Variants in GPM6B observed in about 807,000 individuals in gnomAD.
GPM6B encodes glycoprotein M6B.
In GPM6B, 4 loss-of-function variants were observed where a neutral mutation model predicts 27.2. That is an observed-to-expected ratio of 0.15 (90% CI 0.07 to 0.34). GPM6B has a LOEUF of 0.34. Among genes scored for constraint, GPM6B ranks in the 10% least tolerant of loss-of-function variants. GPM6B has a pLI of 1.00. For missense variants in GPM6B, 183 were observed against 261.9 expected (o/e 0.70, Z 2.08); for synonymous variants, 124 against 103.1 (o/e 1.20, Z -1.23).
chrX:13,881,756 C>G, intron 1 of GPM6B, among the ~76,000 whole-genome samples: 1 of 20,777 alleles, frequency 4.8e-5, no homozygotes. Context: ...TAGGTTGGCG[C>G]AAAAGCAATT....
At chrX:13,795,377 G>A (rs1329605370) in intron 2 of GPM6B, among the ~76,000 whole-genome samples, 1 of 111,979 alleles carries the variant, frequency 8.9e-6, no homozygotes, top group Non-Finnish European at 1.9e-5. Flanking sequence ...TTTTGGTGTA[G>A]TATCAAGGAA....
At chrX:13,930,702 A>G (rs1011653960) in intron 1 of GPM6B, among the ~76,000 whole-genome samples, 1 of 112,620 alleles carries the variant, frequency 8.9e-6, no homozygotes, top group African/African-American at 3.2e-5. Context: ...ATTATGAACA[A>G]CTTTGTGCCA....
At chrX:13,848,514 A>C (rs2049676851) in intron 1 of GPM6B, among the ~76,000 whole-genome samples, 2 of 112,274 alleles carry the variant, frequency 1.8e-5, no homozygotes, top group African/African-American at 6.5e-5. Context: ...AAAAACAATA[A>C]AAAATTATTC....
At chrX:13,853,014 G>A (rs1170073417) in intron 1 of GPM6B, among the ~76,000 whole-genome samples, 8 of 110,735 alleles carry the variant, frequency 7.2e-5, no homozygotes, top group Non-Finnish European at 5.7e-5. Flanking sequence ...CCAGAAGTGG[G>A]AATCCTGGAT....
At chrX:13,826,719 CAG>C (rs756114740) in intron 1 of GPM6B, among the ~76,000 whole-genome samples, 2 of 110,821 alleles carry the variant, frequency 1.8e-5, no homozygotes, top group African/African-American at 3.3e-5. Context: ...GCCTGGGTGA[CAG>C]AGTGAGACCC....
chrX:13,913,949 G>A (rs1054920346), intron 1 of GPM6B, among the ~76,000 whole-genome samples: 5 of 109,741 alleles, frequency 4.6e-5, no homozygotes, highest in African/African-American at 1.3e-4. Context: ...ATGGGGTTTC[G>A]CCATGTTGCC....
intron 1 of GPM6B, among the ~76,000 whole-genome samples, chrX:13,876,769 G>C (rs1235544562): frequency 9.1e-6 from 1 of 110,424 alleles, no homozygotes; most frequent in African/African-American, 3.3e-5. Context: ...TGTTCTCGGT[G>C]GAACCCAGCC....
At chrX:13,804,050 C>T (rs1433045356) in intron 2 of GPM6B, among the ~76,000 whole-genome samples, 1 of 111,753 alleles carries the variant, frequency 8.9e-6, no homozygotes, top group African/African-American at 3.3e-5. Context: ...TGCTCTTGGA[C>T]CTTGCTCTTA....
At chrX:13,819,242 C>T (rs2049281466), upstream of GPM6B, among the ~76,000 whole-genome samples, 1 of 112,423 alleles carries the variant, frequency 8.9e-6, no homozygotes, top group African/African-American at 3.2e-5. Flanking sequence ...TAATGTATTA[C>T]AATTCTAGAA....
At chrX:13,834,958 A>C (rs1274273736) in intron 1 of GPM6B, among the ~76,000 whole-genome samples, 1 of 112,485 alleles carries the variant, frequency 8.9e-6, no homozygotes, top group Admixed American at 9.4e-5. Context: ...GTGGATATAA[A>C]AAGAGTGGAG....
chrX:13,905,882 T>TAA (rs138188403), intron 1 of GPM6B, among the ~76,000 whole-genome samples: 1 of 104,671 alleles, frequency 9.6e-6, no homozygotes, highest in South Asian at 4.2e-4. Context: ...ACAATGGGAT[T>TAA]AAAAAAAAAA....
chrX:13,798,964 G>T (rs189809428), intron 2 of GPM6B, among the ~76,000 whole-genome samples: 1 of 111,914 alleles, frequency 8.9e-6, no homozygotes, highest in Non-Finnish European at 1.9e-5. Flanking sequence ...CTGCACAGAG[G>T]ATCACCTGGT....
chrX:13,866,666 C>A (rs1467218845), intron 1 of GPM6B, among the ~76,000 whole-genome samples: 1 of 110,394 alleles, frequency 9.1e-6, no homozygotes, highest in African/African-American at 3.3e-5. Flanking sequence ...AAATATATAT[C>A]TATTTTTAAA....
At chrX:13,887,921 G>A (rs1405496168) in intron 1 of GPM6B, among the ~76,000 whole-genome samples, 4 of 111,562 alleles carry the variant, frequency 3.6e-5, no homozygotes, top group African/African-American at 1.3e-4. Context: ...AGGATTTTTT[G>A]TTATAAAATG....
intron 1 of GPM6B, among the ~76,000 whole-genome samples, chrX:13,913,125 G>A (rs1026837653): frequency 8.1e-5 from 9 of 111,432 alleles, no homozygotes; most frequent in African/African-American, 2.0e-4. Flanking sequence ...ATTATAGCAC[G>A]TCCCAGTCTT....
intron 1 of GPM6B, among the ~76,000 whole-genome samples, chrX:13,919,609 T>C (rs1202150777): frequency 1.8e-5 from 2 of 112,375 alleles, no homozygotes; most frequent in African/African-American, 3.2e-5. Flanking sequence ...ACTAAATATA[T>C]GGGTGAAAAC....
chrX:13,895,162 A>C (rs2050221606), intron 1 of GPM6B, among the ~76,000 whole-genome samples: 1 of 111,621 alleles, frequency 9.0e-6, no homozygotes. Flanking sequence ...ACATAATCAC[A>C]ACAGCCCAGG....
intron 1 of GPM6B, among the ~76,000 whole-genome samples, chrX:13,915,097 A>G (rs1161098403): frequency 1.0e-4 from 5 of 48,690 alleles, no homozygotes; most frequent in Non-Finnish European, 2.3e-4. Context: ...GTGGGACCCC[A>G]TCTCTACCAG....
At chrX:13,938,546 G>T (rs1411841289), upstream of GPM6B, 1 of 834,213 alleles carries the variant, frequency 1.2e-6, no homozygotes, top group Non-Finnish European at 1.5e-6. Flanking sequence ...GGGCTGCGGG[G>T]CGTTCGGGCT....
Sources: gnomAD v4.1 joint callset for allele counts (sites outside exome capture counted in the v4.1 genomes callset) on GRCh38, gnomAD v4.1.1 for gene constraint, MANE v1.5 for transcripts, NCBI Gene and HGNC (gene_info 2026-07-23, HGNC 2026-07-21) for gene names.